Variants in GTF2H1 observed in about 807,000 individuals in gnomAD.
GTF2H1 encodes the protein BTF2 p62.
Under a neutral mutation model 71.2 loss-of-function variants are expected in GTF2H1, and 16 were observed. The ratio of observed to expected loss-of-function variants is 0.22; its 90% CI spans 0.15 to 0.34. The LOEUF (loss-of-function observed/expected upper bound fraction) is 0.34. GTF2H1 is among the 10% of genes least tolerant of loss of function. The probability of loss-of-function intolerance (pLI) is 1.00; values close to 1 mark genes in which losing one functional copy is unlikely to be tolerated. For synonymous variants in GTF2H1, 215 were observed against 219.0 expected (o/e 0.98, Z 0.16); for missense variants, 498 against 648.2 (o/e 0.77, Z 2.52).
chr11:18,352,431 A>C lies in GTF2H1; in HGVS notation c.1245A>C (p.Thr415=). 1 of 1,382,324 alleles carries C rather than the reference A, an allele frequency of 7.2e-7. No individual in the cohort carries two copies. The highest frequency in any genetic ancestry group is 1.2e-5 in the South Asian group (1 of 86,026). The allele number at this position is 1,382,324 out of a possible 1,614,324, so 85.6% of individuals were successfully genotyped here. Residue 415 remains threonine (T), a synonymous_variant, in exon 11 of 15, where the codon ACA becomes ACC. Coordinates refer to ENST00000265963, the MANE Select transcript of GTF2H1 (RefSeq NM_005316.4). ...TTAGACAAGAAATGGAAGCTTATAC[A>C]CCCAAGTTAACTCAGGTAGGTGACT... ...QSIRQEMEAY[T]PKLTQVLSSS... is the part of the protein sequence containing the mutation.
intron 3 of GTF2H1, among the ~76,000 whole-genome samples, chr11:18,336,662 C>G (rs1182418312): frequency 1.3e-5 from 2 of 151,998 alleles, no homozygotes; most frequent in Admixed American, 6.6e-5. Context: ...TTCTCTGTCA[C>G]AGAGAAGATG....
chr11:18,346,669 G>A (rs987342261), intron 7 of GTF2H1, among the ~76,000 whole-genome samples: 2 of 149,362 alleles, frequency 1.3e-5, no homozygotes, highest in Non-Finnish European at 1.5e-5. Flanking sequence ...AAAAGAATTT[G>A]ACTCTTTATC....
intron 11 of GTF2H1, among the ~76,000 whole-genome samples, chr11:18,353,657 A>G (rs1462296709): frequency 1.3e-5 from 2 of 152,304 alleles, no homozygotes; most frequent in East Asian, 1.9e-4. Context: ...CTCCGTTTTT[A>G]TGAGCACTGA....
intron 1 of GTF2H1, among the ~76,000 whole-genome samples, 192 bp downstream of exon 1, chr11:18,322,932 T>C (rs1050089393): frequency 5.3e-4 from 80 of 152,248 alleles, no homozygotes; most frequent in African/African-American, 1.8e-3. Context: ...CTAATCTACT[T>C]GTCTAAAGGA....
In GTF2H1 at chr11:18,333,216, G is replaced by A; in HGVS notation, c.142G>A (p.Ala48Thr). ...KDRFTISHMY[A>T]DIKCQKISPE... Reference sequence around the variant, plus strand: ...TAGATTTACAATCAGCCATATGTATGCAGATATTAAATGTAAGTCAGCTAT... The same window carrying A: ...TAGATTTACAATCAGCCATATGTATACAGATATTAAATGTAAGTCAGCTAT... The change falls in exon 2 of 15, where the codon GCA becomes ACA. Residue 48 changes from alanine to threonine, a missense_variant. Transcript: ENST00000265963. 1 of 1,610,438 alleles carries A rather than the reference G, an allele frequency of 6.2e-7. No homozygotes were observed.
At chr11:18,360,871 T>C (rs1865680458) in intron 14 of GTF2H1, 164 bp downstream of exon 14, 1 of 512,058 alleles carries the variant, frequency 2.0e-6, no homozygotes, top group Non-Finnish European at 3.4e-6. Context: ...AGTGGCTCCA[T>C]CTCAGCTCAC....
At chr11:18,337,293 A>T (rs938210123) in intron 3 of GTF2H1, among the ~76,000 whole-genome samples, 2 of 152,132 alleles carry the variant, frequency 1.3e-5, no homozygotes, top group East Asian at 3.9e-4. Context: ...TATGTATACA[A>T]AAATTAGCTG....
intron 13 of GTF2H1, among the ~76,000 whole-genome samples, chr11:18,358,960 A>G (rs1231015212): frequency 6.6e-6 from 1 of 152,230 alleles, no homozygotes; most frequent in Admixed American, 6.5e-5. Context: ...TACGTTTTTC[A>G]GGGATAACAA....
At chr11:18,355,131 T>C (rs1299288635) in intron 11 of GTF2H1, among the ~76,000 whole-genome samples, 2 of 151,176 alleles carry the variant, frequency 1.3e-5, no homozygotes, top group African/African-American at 4.8e-5. Context: ...TTTTTAATTT[T>C]TCTTTATTTT....
At chr11:18,359,470 T>C (rs1404487284) in intron 13 of GTF2H1, among the ~76,000 whole-genome samples, 1 of 152,250 alleles carries the variant, frequency 6.6e-6, no homozygotes, top group Non-Finnish European at 1.5e-5. Context: ...GTTGACCAAG[T>C]AGCCAAGAGT....
rs773430676 is a variant in GTF2H1, at chr11:18,358,061, TCTA to T, written c.1351+25_1351+27del. 2.6e-6 allele frequency: 4 copies of T among 1,544,114 alleles called. No individual in the cohort carries two copies. Among genetic ancestry groups the T allele is most frequent in the Middle Eastern group, 1.7e-4 (1 of 5,920 alleles). ...ATAAACCGTATGTGCCGGGCCATCT[TCTA>T]CTACTTTCTGCCTAAATCAGCTTTA... is the stretch of plus-strand genomic sequence containing the variant. On this transcript the variant is annotated intron_variant, in intron 12 of 14. Coordinates refer to ENST00000265963, the MANE Select transcript of GTF2H1 (RefSeq NM_005316.4).
chr11:18,365,070 T>TAA lies in GTF2H1; in HGVS notation c.1561-713_1561-712insAA, dbSNP rs372254821. ...CATAGCAAGAGTCCATCTCCACTAT[T>TAA]TAAAAAAGAAAAAAAAAAAAAACCT... On this transcript the variant is annotated intron_variant, in intron 14 of 14. Coordinates refer to ENST00000265963, the MANE Select transcript of GTF2H1 (RefSeq NM_005316.4). Among the ~76,000 whole-genome samples, 372 of 111,472 alleles carry TAA rather than the reference T, an allele frequency of 3.3e-3. 17 individuals are homozygous for TAA. The highest frequency in any genetic ancestry group is 9.7e-3 in the African/African-American group (290 of 29,886). The allele number at this position is 111,472 out of a possible 152,430, so 73.1% of individuals were successfully genotyped here.
rs138556593 is a variant in GTF2H1, at chr11:18,365,068, AT to A, written c.1561-712del. On this transcript the variant is annotated intron_variant, in intron 14 of 14. Coordinates refer to ENST00000265963, the MANE Select transcript of GTF2H1 (RefSeq NM_005316.4). ...AGCATAGCAAGAGTCCATCTCCACT[AT>A]TTAAAAAAGAAAAAAAAAAAAAACC... 2.0e-3 allele frequency among the ~76,000 whole-genome samples: 220 copies of A among 109,902 alleles called. 43 individuals carry two copies. Among genetic ancestry groups the A allele is most frequent in the East Asian group, 2.8e-3 (8 of 2,872 alleles). 72.1% of individuals were successfully genotyped at this position (109,902 alleles called of 152,430 possible).
chr11:18,338,891 GACTAAT>G (rs534628826), intron 4 of GTF2H1, among the ~76,000 whole-genome samples: 1 of 152,140 alleles, frequency 6.6e-6, no homozygotes, highest in Non-Finnish European at 1.5e-5. Flanking sequence ...TCAGAGTTTG[GACTAAT>G]ACTTACTTTT....
chr11:18,356,172 G>A (rs1043259652), intron 11 of GTF2H1, among the ~76,000 whole-genome samples: 1 of 152,168 alleles, frequency 6.6e-6, no homozygotes, highest in East Asian at 1.9e-4. Context: ...TCACTTGAGA[G>A]CTCTAGACCA....
chr11:18,351,321 G>T (rs1459127929), intron 9 of GTF2H1, among the ~76,000 whole-genome samples: 1 of 145,022 alleles, frequency 6.9e-6, no homozygotes, highest in African/African-American at 2.6e-5. Context: ...CTCACTTGTC[G>T]CCCAGGCTGG....
intron 3 of GTF2H1, 120 bp downstream of exon 3, chr11:18,336,066 TGTC>T (rs898204330): frequency 6.3e-5 from 41 of 655,376 alleles, no homozygotes; most frequent in African/African-American, 5.3e-4. Context: ...TTTTTGTTGT[TGTC>T]GTTTTTGTTT....
rs780397414 is a variant in GTF2H1 at position 18,341,415 on chromosome 11, CTG to C, written c.757+7_757+8del. On this transcript the variant is annotated splice_donor_region_variant and intron_variant, in intron 6 of 14. Coordinates refer to ENST00000265963, the MANE Select transcript of GTF2H1 (RefSeq NM_005316.4). Reference sequence around the variant, plus strand: ...GTGCCAAAATAGATGAAAAAGGTAACTGTTTATCTCTGATAGACACTGGTATT... The same window carrying C: ...GTGCCAAAATAGATGAAAAAGGTAACTTTATCTCTGATAGACACTGGTATT... The C allele has an allele frequency of 3.7e-6, 6 of 1,613,346 alleles. No homozygotes were observed. In the East Asian group the frequency reaches 8.9e-5, roughly 24 times the overall value.
chr11:18,323,886 G>T (rs988767190), intron 1 of GTF2H1, among the ~76,000 whole-genome samples: 1 of 152,200 alleles, frequency 6.6e-6, no homozygotes, highest in East Asian at 1.9e-4. Context: ...AACCAGAGCA[G>T]TTGAGATGGA....
Sources: gnomAD v4.1 joint callset for allele counts (sites outside exome capture counted in the v4.1 genomes callset) on GRCh38, gnomAD v4.1.1 for gene constraint, MANE v1.5 for transcripts, NCBI Gene and HGNC (gene_info 2026-07-23, HGNC 2026-07-21) for gene names.